The following CAPS2 variants were observed in gnomAD, a reference collection of about 807,000 sequenced individuals.
CAPS2 encodes the protein calcyphosin-2.
In CAPS2, 98 loss-of-function variants were observed where a neutral mutation model predicts 86.5. That is an observed-to-expected ratio of 1.13 (90% CI 0.96 to 1.34). The LOEUF (loss-of-function observed/expected upper bound fraction) is 1.34, where lower values mean the gene tolerates loss of function less well. CAPS2 is among the 40% of genes most tolerant of loss of function. The pLI is 0.00. For missense variants in CAPS2, 729 were observed against 686.8 expected (o/e 1.06, Z -0.69); for synonymous variants, 210 against 225.1 (o/e 0.93, Z 0.60).
intron 1 of CAPS2, chr12:75,363,162 A>G (rs1246949477): frequency 6.5e-7 from 1 of 1,547,550 alleles, no homozygotes; most frequent in Non-Finnish European, 8.7e-7. Context: ...TCTGCTCAAA[A>G]GAAGAGAAAT....
chr12:75,323,182 C>G lies in CAPS2; in HGVS notation c.172G>C (p.Asp58His), dbSNP rs951451548. Reference sequence around the variant, plus strand: ...AAATACTAAATAAAAATTACCTCATCATCAGAGTCAACAAGGCTTCCCAAA... The same window carrying G: ...AAATACTAAATAAAAATTACCTCATGATCAGAGTCAACAAGGCTTCCCAAA... The change falls in exon 3 of 17, where the codon GAT becomes CAT. Residue 58 changes from aspartate to histidine, a missense_variant. Transcript: ENST00000393284. 5.8e-6 allele frequency: 9 copies of G among 1,539,254 alleles called. No homozygotes were observed. Among genetic ancestry groups the G allele is most frequent in the South Asian group, 3.6e-5 (3 of 82,726 alleles).
At chr12:75,381,104 T>C (rs1254375903) in intron 1 of CAPS2, among the ~76,000 whole-genome samples, 1 of 152,150 alleles carries the variant, frequency 6.6e-6, no homozygotes, top group Non-Finnish European at 1.5e-5. Context: ...TCCCACATGT[T>C]GTAGGAGGGA....
intron 7 of CAPS2, among the ~76,000 whole-genome samples, chr12:75,309,664 C>G (rs976492257): frequency 1.3e-5 from 2 of 152,188 alleles, no homozygotes; most frequent in Non-Finnish European, 1.5e-5. Context: ...TGAGTTATTT[C>G]AATTGCTGGA....
exon 17 of CAPS2, chr12:75,277,411 T>C (rs1458582271): frequency 1.0e-6 from 1 of 972,534 alleles, no homozygotes; most frequent in African/African-American, 1.8e-5. Context: ...TGTCTATAGT[T>C]GGATAAATTT....
intron 12 of CAPS2, 107 bp from the exon 13 acceptor site, chr12:75,291,927 A>C (rs2036040091): frequency 9.8e-6 from 4 of 407,376 alleles, no homozygotes; most frequent in South Asian, 8.8e-5. Flanking sequence ...AGAAGCTCTC[A>C]AACTTGGAAG....
At chr12:75,319,935 A>G (rs1049452803) in intron 5 of CAPS2, among the ~76,000 whole-genome samples, 2 of 152,144 alleles carry the variant, frequency 1.3e-5, no homozygotes, top group Non-Finnish European at 2.9e-5. Context: ...ATACATTTGA[A>G]AAGATATCAA....
chr12:75,370,018 A>G, intron 1 of CAPS2: 1 of 1,211,806 alleles, frequency 8.3e-7, no homozygotes. Context: ...TATTAATTAA[A>G]TTATTTCCTC....
At chr12:75,276,185 A>C, downstream of CAPS2, 1 of 1,531,372 alleles carries the variant, frequency 6.5e-7, no homozygotes, top group Middle Eastern at 1.7e-4. Flanking sequence ...ATTACCTTCT[A>C]TTTCTTTGTT....
At chr12:75,321,602 C>T in intron 4 of CAPS2, 26 bp from the exon 5 acceptor site, 2 of 1,490,656 alleles carry the variant, frequency 1.3e-6, no homozygotes, top group African/African-American at 1.4e-5. Context: ...AAAAAGCATG[C>T]TATCAGAAAA....
At position 75,355,867 on chromosome 12, in the gene CAPS2, T is replaced by G. The variant is rs543005419; in HGVS notation, c.-394-32645A>C. 2.0e-4 allele frequency among the ~76,000 whole-genome samples: 30 copies of G among 152,226 alleles called. No homozygotes were observed. In the East Asian group the frequency reaches 5.4e-3, roughly 27 times the overall value. Reference sequence around the variant, plus strand: ...CTAGAAGCTATTATTCTTAGCAAACTAATGCAGGAACAGAAAAACCAAACA... The same window carrying G: ...CTAGAAGCTATTATTCTTAGCAAACGAATGCAGGAACAGAAAAACCAAACA... On this transcript the variant is annotated intron_variant, in intron 1 of 5. Coordinates refer to the CAPS2 transcript ENST00000551829.
chr12:75,278,112 C>T (rs983387893), exon 17 of CAPS2: 2 of 913,422 alleles, frequency 2.2e-6, no homozygotes, highest in African/African-American at 1.8e-5. Flanking sequence ...TAATAAAGAA[C>T]ATTTCCCTTT....
chr12:75,304,717 C>T (rs751926062), intron 8 of CAPS2, 40 bp downstream of exon 8: 14 of 1,404,424 alleles, frequency 1.0e-5, no homozygotes, highest in Non-Finnish European at 1.3e-5. Flanking sequence ...ACTTTTAGAA[C>T]ATAGTGCATC....
intron 8 of CAPS2, among the ~76,000 whole-genome samples, chr12:75,302,145 T>G (rs969755275): frequency 6.6e-6 from 1 of 152,160 alleles, no homozygotes; most frequent in African/African-American, 2.4e-5. Context: ...TCTAAATTTA[T>G]GTAGCAGAAC....
rs561175751 is a variant in CAPS2, at chr12:75,317,913, TCAC to T, written c.469-1482_469-1480del. On this transcript the variant is annotated intron_variant, in intron 5 of 16. Coordinates refer to ENST00000393284, the Ensembl canonical transcript of CAPS2. ...TACAGTACAGTATGATTAACTATAA[TCAC>T]CACAAATACAGTAGTTCCTCAGAAC... Among the ~76,000 whole-genome samples the T allele has an allele frequency of 1.8e-4, 28 of 152,150 alleles. No individual in the cohort carries two copies. The South Asian group carries it at 5.0e-3, about 27-fold the overall frequency.
chr12:75,346,247 G>A (rs1250533953), intron 1 of CAPS2, among the ~76,000 whole-genome samples: 1 of 152,080 alleles, frequency 6.6e-6, no homozygotes, highest in African/African-American at 2.4e-5. Context: ...TATTTTAGTT[G>A]TATTTTTGGT....
intron 1 of CAPS2, among the ~76,000 whole-genome samples, chr12:75,356,910 T>C (rs761321774): frequency 4.6e-5 from 7 of 152,090 alleles, no homozygotes; most frequent in Non-Finnish European, 2.9e-5. Context: ...GCTACAGTGC[T>C]AGGCACAACA....
chr12:75,351,965 T>C (rs1203548140), intron 1 of CAPS2, among the ~76,000 whole-genome samples: 1 of 152,166 alleles, frequency 6.6e-6, no homozygotes, highest in East Asian at 1.9e-4. Context: ...CTGAGGGAAT[T>C]CATCACCACC....
chr12:75,304,436 G>A (rs925839109), intron 8 of CAPS2, among the ~76,000 whole-genome samples: 3 of 152,068 alleles, frequency 2.0e-5, no homozygotes, highest in Admixed American at 6.6e-5. Flanking sequence ...ATGCCAATGA[G>A]ATTTAGCCAG....
At chr12:75,282,792 T>C (rs1316619267) in intron 15 of CAPS2, among the ~76,000 whole-genome samples, 5 of 152,212 alleles carry the variant, frequency 3.3e-5, no homozygotes, top group African/African-American at 1.2e-4. Flanking sequence ...AAAAGTACTA[T>C]ACTGATACAC....
Sources: gnomAD v4.1 joint callset for allele counts (sites outside exome capture counted in the v4.1 genomes callset) on GRCh38, gnomAD v4.1.1 for gene constraint, MANE v1.5 for transcripts, NCBI Gene and HGNC (gene_info 2026-07-23, HGNC 2026-07-21) for gene names.